The following ARHGAP6 variants were observed in gnomAD, a reference collection of about 807,000 sequenced individuals.
ARHGAP6 encodes the protein rho GTPase-activating protein 6.
Under a neutral mutation model 55.7 loss-of-function variants are expected in ARHGAP6, and 16 were observed. The observed-to-expected ratio is 0.29, with a 90% CI of 0.19 to 0.44. ARHGAP6 has a LOEUF of 0.44. Among genes scored for constraint, ARHGAP6 ranks in the 20% least tolerant of loss-of-function variants. The pLI is 1.00. For synonymous variants in ARHGAP6, 382 were observed against 360.9 expected (o/e 1.06, Z -0.66); for missense variants, 698 against 808.9 (o/e 0.86, Z 1.66).
chrX:11,186,285 T>A lies in ARHGAP6; in HGVS notation c.1224A>T (p.Arg408Ser). 1 of 1,211,922 alleles carries A rather than the reference T, an allele frequency of 8.3e-7. No homozygotes were observed. The highest frequency in any genetic ancestry group is 1.1e-6 in the Non-Finnish European group (1 of 895,521). Residue 408 changes from arginine to serine, a missense_variant, in exon 5 of 13, where the codon AGA (arginine) becomes AGT (serine). Arg to Ser is a moderately radical substitution (Grantham distance 110, BLOSUM62 -1). Transcript: ENST00000337414. ...AGCTGTCCACCAGCCTAGGGACCTGTCTGTAAATAGGATTCAGACTGAGTT... is the reference window on the plus strand; with the variant it reads ...AGCTGTCCACCAGCCTAGGGACCTGACTGTAAATAGGATTCAGACTGAGTT... The part of the protein sequence containing the change: ...DKKLSLNPIY[R>S]QVPRLVDSCC...
chrX:11,400,026 T>C (rs753137391), intron 1 of ARHGAP6, among the ~76,000 whole-genome samples: 1 of 111,278 alleles, frequency 9.0e-6, no homozygotes. Context: ...AAAAGGCAAA[T>C]CTATGGGGAC....
chrX:11,518,437 C>G (rs1435854983), intron 1 of ARHGAP6, among the ~76,000 whole-genome samples: 1 of 106,143 alleles, frequency 9.4e-6, no homozygotes, highest in Non-Finnish European at 1.9e-5. Flanking sequence ...AGCCACTGTG[C>G]CTGGCCCAAT....
rs2047089057 is a variant in ARHGAP6 at position 11,228,715 on chromosome X, T to C, written c.748+25833A>G. Among the ~76,000 whole-genome samples the C allele has an allele frequency of 2.7e-5, 3 of 112,508 alleles. No homozygotes were observed. The South Asian group carries it at 1.1e-3, about 41-fold the overall frequency. ...TGTATATTGCAATTACTTAAATTTC[T>C]TTTTTTGAGACAACTGCAGTAAGAG... On this transcript the variant is annotated intron_variant, in intron 2 of 12. Transcript: ENST00000337414.
At chrX:11,646,570 T>C (rs754252587) in intron 1 of ARHGAP6, among the ~76,000 whole-genome samples, 2 of 112,149 alleles carry the variant, frequency 1.8e-5, no homozygotes, top group Non-Finnish European at 3.8e-5. Context: ...TATTTACTTT[T>C]CCTTTGTTGG....
At chrX:11,296,744 C>A in intron 1 of ARHGAP6, 1 of 1,173,739 alleles carries the variant, frequency 8.5e-7, no homozygotes, top group Non-Finnish European at 1.2e-6. Context: ...CCCTTCCTCT[C>A]TCTTTCTATT....
chrX:11,545,881 T>A (rs1312789545), intron 1 of ARHGAP6, among the ~76,000 whole-genome samples: 1 of 111,780 alleles, frequency 8.9e-6, no homozygotes, highest in East Asian at 2.8e-4. Flanking sequence ...ATGGATCATG[T>A]TTTTGTGAAA....
At chrX:11,500,261 T>C (rs1312714705) in intron 1 of ARHGAP6, among the ~76,000 whole-genome samples, 1 of 111,519 alleles carries the variant, frequency 9.0e-6, no homozygotes, top group Non-Finnish European at 1.9e-5. Flanking sequence ...GGGGGTTCCC[T>C]CTCCTTATTG....
At chrX:11,351,558 G>A (rs1466417363) in intron 1 of ARHGAP6, 3 of 751,710 alleles carry the variant, frequency 4.0e-6, no homozygotes, top group African/African-American at 4.7e-5. Context: ...GAGAAGCCAT[G>A]GGCCTTGTAC....
chrX:11,535,026 C>A (rs1170062540), intron 1 of ARHGAP6, among the ~76,000 whole-genome samples: 2 of 111,130 alleles, frequency 1.8e-5, no homozygotes, highest in Non-Finnish European at 3.8e-5. Context: ...CCCCATTTCA[C>A]CATCATCCTC....
intron 1 of ARHGAP6, among the ~76,000 whole-genome samples, chrX:11,518,462 CTTTTTTT>C (rs368595944): frequency 0.018 from 1,371 of 74,907 alleles, 26 homozygotes; most frequent in African/African-American, 0.067. Flanking sequence ...TTTTTTTTTT[CTTTTTTT>C]TTTTTTTTTT....
At chrX:11,212,671 C>A (rs2046820820) in intron 2 of ARHGAP6, among the ~76,000 whole-genome samples, 1 of 112,036 alleles carries the variant, frequency 8.9e-6, no homozygotes, top group Non-Finnish European at 1.9e-5. Context: ...ATTCGTGACT[C>A]ACCTAGACAA....
intron 1 of ARHGAP6, among the ~76,000 whole-genome samples, chrX:11,595,436 C>A (rs1601683256): frequency 9.0e-6 from 1 of 111,457 alleles, no homozygotes; most frequent in Admixed American, 9.6e-5. Flanking sequence ...CAAGATGGAT[C>A]AAATACTTAA....
At chrX:11,560,882 A>G (rs1004038683) in intron 1 of ARHGAP6, among the ~76,000 whole-genome samples, 7 of 112,148 alleles carry the variant, frequency 6.2e-5, no homozygotes, top group African/African-American at 2.3e-4. Context: ...CAAATTACCC[A>G]TCAATCAAAT....
At chrX:11,487,774 G>C (rs185720573) in intron 1 of ARHGAP6, among the ~76,000 whole-genome samples, 159 of 111,494 alleles carry the variant, frequency 1.4e-3, no homozygotes, top group Non-Finnish European at 2.8e-3. Context: ...ATGAGTCCAT[G>C]GTGATATAAA....
At chrX:11,357,940 A>G (rs2048952757) in intron 1 of ARHGAP6, among the ~76,000 whole-genome samples, 1 of 111,942 alleles carries the variant, frequency 8.9e-6, no homozygotes, top group Admixed American at 9.5e-5. Flanking sequence ...ACAATCCAGT[A>G]AGTTTTAGTA....
intron 1 of ARHGAP6, among the ~76,000 whole-genome samples, chrX:11,357,702 C>T (rs1238937552): frequency 1.8e-5 from 2 of 111,454 alleles, no homozygotes; most frequent in South Asian, 3.8e-4. Context: ...ACATCACCCC[C>T]ATGCTAATAA....
intron 1 of ARHGAP6, among the ~76,000 whole-genome samples, chrX:11,629,541 T>C (rs1280951937): frequency 9.0e-6 from 1 of 110,516 alleles, no homozygotes; most frequent in Non-Finnish European, 1.9e-5. Flanking sequence ...AATATAAATA[T>C]TATATATATT....
chrX:11,427,538 G>C, intron 1 of ARHGAP6: 1 of 937,334 alleles, frequency 1.1e-6, no homozygotes, highest in South Asian at 2.2e-5. Context: ...GCACGCGTCA[G>C]GACACTCACC....
intron 1 of ARHGAP6, among the ~76,000 whole-genome samples, chrX:11,305,916 A>G (rs1407469869): frequency 8.9e-6 from 1 of 112,147 alleles, no homozygotes; most frequent in East Asian, 2.8e-4. Flanking sequence ...ATGATTAAGC[A>G]CTGACCTTGG....
Sources: allele counts gnomAD v4.1 joint callset (sites outside exome capture counted in the v4.1 genomes callset), GRCh38; gene constraint gnomAD v4.1.1; transcripts MANE v1.5; gene names NCBI Gene and HGNC (gene_info 2026-07-23, HGNC 2026-07-21).